Variants in COL24A1 observed in about 807,000 individuals in gnomAD.
The protein encoded by COL24A1 is collagen alpha-1(XXIV) chain.
Under a neutral mutation model 253.9 loss-of-function variants are expected in COL24A1, and 224 were observed. The ratio of observed to expected loss-of-function variants is 0.88; its 90% CI spans 0.79 to 0.99. The LOEUF is 0.99. COL24A1 is among the 50% of genes least tolerant of loss of function. COL24A1 has a pLI of 0.00. For missense variants in COL24A1, 2,131 were observed against 2,068.5 expected (o/e 1.03, Z -0.59); for synonymous variants, 685 against 673.7 (o/e 1.02, Z -0.26).
chr1:86,128,517 C>T (rs757095299), intron 2 of COL24A1, among the ~76,000 whole-genome samples: 4 of 151,922 alleles, frequency 2.6e-5, no homozygotes, highest in Non-Finnish European at 5.9e-5. Context: ...TGTGGTATAT[C>T]AAGGGCTGCA....
intron 46 of COL24A1, 70 bp downstream of exon 46, chr1:85,817,964 C>T: frequency 6.0e-6 from 8 of 1,344,182 alleles, no homozygotes; most frequent in Non-Finnish European, 1.1e-6. Context: ...TGGCCCCAAA[C>T]TTTTCTGCTT....
chr1:86,053,769 T>G (rs1369238915), intron 10 of COL24A1, among the ~76,000 whole-genome samples: 3 of 152,090 alleles, frequency 2.0e-5, no homozygotes, highest in Admixed American at 6.6e-5. Context: ...TGACAAAATA[T>G]TTCTGCTAAT....
chr1:85,893,615 AT>A (rs1683358726), intron 31 of COL24A1, among the ~76,000 whole-genome samples: 1 of 152,102 alleles, frequency 6.6e-6, no homozygotes, highest in Non-Finnish European at 1.5e-5. Context: ...AGTCAGATGT[AT>A]GGGAGGCAAG....
intron 20 of COL24A1, among the ~76,000 whole-genome samples, chr1:85,980,100 A>G (rs1375366599): frequency 6.6e-6 from 1 of 152,254 alleles, no homozygotes; most frequent in East Asian, 1.9e-4. Context: ...TGATCATTTC[A>G]ATAGTTGCAG....
intron 24 of COL24A1, among the ~76,000 whole-genome samples, chr1:85,930,027 GAAAAGC>G (rs1203548784): frequency 1.8e-5 from 1 of 56,084 alleles, no homozygotes; most frequent in Non-Finnish European, 3.3e-5. Context: ...AAAAGAACTA[GAAAAGC>G]AAGAGCAAAC....
intron 19 of COL24A1, among the ~76,000 whole-genome samples, chr1:86,006,634 A>G (rs1183614916): frequency 6.6e-6 from 1 of 152,190 alleles, no homozygotes; most frequent in Non-Finnish European, 1.5e-5. Flanking sequence ...GACACAATCC[A>G]TACTGAACTT....
intron 18 of COL24A1, among the ~76,000 whole-genome samples, chr1:86,017,582 T>C (rs1337043217): frequency 6.6e-6 from 1 of 152,196 alleles, no homozygotes; most frequent in African/African-American, 2.4e-5. Flanking sequence ...GGGCTGTCTC[T>C]GAAAATTCCT....
intron 32 of COL24A1, among the ~76,000 whole-genome samples, chr1:85,883,402 G>A (rs1012542688): frequency 7.9e-5 from 12 of 151,448 alleles, no homozygotes; most frequent in Non-Finnish European, 2.9e-5. Context: ...GCGTTTTTTG[G>A]TAGAGATGGG....
At chr1:86,134,956 G>A (rs1649974116) in intron 2 of COL24A1, among the ~76,000 whole-genome samples, 3 of 151,614 alleles carry the variant, frequency 2.0e-5, no homozygotes, top group South Asian at 4.2e-4. Context: ...GGGTGTTAAA[G>A]TCTCCCATTA....
intron 24 of COL24A1, among the ~76,000 whole-genome samples, chr1:85,932,175 G>A (rs1474140616): frequency 1.2e-4 from 11 of 95,516 alleles, no homozygotes; most frequent in East Asian, 1.0e-3. Flanking sequence ...GAAAATTTTC[G>A]CAAGCTACTC....
intron 7 of COL24A1, among the ~76,000 whole-genome samples, chr1:86,088,042 G>A (rs980543464): frequency 2.6e-5 from 4 of 152,208 alleles, no homozygotes; most frequent in African/African-American, 9.7e-5. Context: ...TCCAAAACCA[G>A]ATAAATAGCT....
At chr1:86,060,683 A>T (rs1332922668) in intron 8 of COL24A1, among the ~76,000 whole-genome samples, 1 of 151,974 alleles carries the variant, frequency 6.6e-6, no homozygotes, top group Non-Finnish European at 1.5e-5. Context: ...AGCGTTTTAC[A>T]TCTATGAGAT....
intron 24 of COL24A1, among the ~76,000 whole-genome samples, chr1:85,925,958 A>T (rs1687148575): frequency 6.6e-6 from 1 of 152,224 alleles, no homozygotes; most frequent in African/African-American, 2.4e-5. Context: ...AACTACAAAG[A>T]ACTTAAACAA....
chr1:86,067,152 A>G (rs888141281), intron 7 of COL24A1, among the ~76,000 whole-genome samples: 10 of 152,106 alleles, frequency 6.6e-5, no homozygotes, highest in Non-Finnish European at 1.3e-4. Flanking sequence ...AAAGAAGAAA[A>G]AAAAAAAAAG....
intron 12 of COL24A1, among the ~76,000 whole-genome samples, chr1:86,044,783 A>G (rs1038554073): frequency 1.5e-4 from 23 of 152,156 alleles, no homozygotes; most frequent in African/African-American, 5.6e-4. Flanking sequence ...GTAGGAATAG[A>G]AATTACCTGT....
intron 13 of COL24A1, among the ~76,000 whole-genome samples, chr1:86,032,723 T>A (rs932502974): frequency 1.3e-5 from 2 of 152,136 alleles, no homozygotes; most frequent in African/African-American, 4.8e-5. Flanking sequence ...ACCAGTAAAC[T>A]AAATATATCC....
intron 14 of COL24A1, among the ~76,000 whole-genome samples, chr1:86,024,809 T>C (rs1697871521): frequency 6.6e-6 from 1 of 152,156 alleles, no homozygotes; most frequent in African/African-American, 2.4e-5. Context: ...CAAGTAAGTA[T>C]GGAAAGGACT....
intron 53 of COL24A1, among the ~76,000 whole-genome samples, chr1:85,766,797 C>T (rs1225709163): frequency 1.3e-5 from 2 of 151,998 alleles, no homozygotes; most frequent in African/African-American, 4.8e-5. Flanking sequence ...AAATTTTCCT[C>T]CATGGAAAAT....
chr1:85,911,575 G>C (rs1201664714), intron 24 of COL24A1, 142 bp from the exon 25 acceptor site: 7 of 723,128 alleles, frequency 9.7e-6, no homozygotes, highest in Non-Finnish European at 1.7e-5. Context: ...TCCTTGTATA[G>C]CTATGCAGTC....
Sources: allele counts gnomAD v4.1 joint callset (sites outside exome capture counted in the v4.1 genomes callset), GRCh38; gene constraint gnomAD v4.1.1; transcripts MANE v1.5; gene names NCBI Gene and HGNC (gene_info 2026-07-23, HGNC 2026-07-21).